BRDT: variants seen among roughly 807,000 people sequenced by gnomAD.
BRDT encodes bromodomain testis-specific protein.
In BRDT, 77 loss-of-function variants were observed where a neutral mutation model predicts 113.9. That is an observed-to-expected ratio of 0.68 (90% CI 0.56 to 0.82). The LOEUF (loss-of-function observed/expected upper bound fraction) is 0.82. BRDT is among the 40% of genes least tolerant of loss of function. The pLI is 0.00. For missense variants in BRDT, 1,027 were observed against 1,105.4 expected (o/e 0.93, Z 1.01); for synonymous variants, 358 against 366.5 (o/e 0.98, Z 0.26).
chr1:91,981,342 G>A lies in BRDT; in HGVS notation c.1825G>A (p.Val609Ile), dbSNP rs1250028069. The stretch of plus-strand genomic sequence containing the variant: ...GGAATTGGAAAAGCGGTTACTGGAT[G>A]TTAATAATCAGTTAAATTCTAGAAA... ...KQELEKRLLDVNNQLNSRKRQ... is the reference protein window; with the variant it reads ...KQELEKRLLDINNQLNSRKRQ... Residue 609 changes from valine to isoleucine, a missense_variant, in exon 11 of 19, where the codon GTT becomes ATT. Coordinates refer to ENST00000399546, the MANE Select transcript of BRDT (RefSeq NM_207189.4). 1.9e-6 allele frequency: 3 copies of A among 1,613,998 alleles called. No individual in the cohort carries two copies. Among genetic ancestry groups the A allele is most frequent in the Non-Finnish European group, 2.5e-6 (3 of 1,179,954 alleles).
At chr1:91,956,903 C>T (rs912056815) in intron 1 of BRDT, among the ~76,000 whole-genome samples, 2 of 152,282 alleles carry the variant, frequency 1.3e-5, no homozygotes, top group South Asian at 2.1e-4. Flanking sequence ...TGAGCCACTG[C>T]ACCCCTGCTT....
Position 92,010,306 on chromosome 1 carries a change from CTGT to C in BRDT, c.2776-3897_2776-3895del, listed in dbSNP as rs1478007402. Among the ~76,000 whole-genome samples, 9 of 131,330 alleles carry C rather than the reference CTGT, an allele frequency of 6.9e-5. No homozygotes were observed. In the Admixed American group the frequency reaches 7.1e-4, roughly 10 times the overall value. 86.2% of individuals were successfully genotyped at this position (131,330 alleles called of 152,430 possible). On this transcript the variant is annotated intron_variant, in intron 18 of 18. Coordinates refer to ENST00000399546, the MANE Select transcript of BRDT (RefSeq NM_207189.4). Reference sequence around the variant, plus strand: ...TTTTTTTTTGAGACTGAATCTCACTCTGTTGCTCAGGCTGCAGTGCAGTGGCGT... The same window carrying C: ...TTTTTTTTTGAGACTGAATCTCACTCTGCTCAGGCTGCAGTGCAGTGGCGT...
intron 4 of BRDT, among the ~76,000 whole-genome samples, chr1:91,970,464 A>C (rs112393622): frequency 6.6e-6 from 1 of 151,882 alleles, no homozygotes; most frequent in Non-Finnish European, 1.5e-5. Context: ...GTGGGGTCTC[A>C]TTTTGTTGCC....
intron 1 of BRDT, among the ~76,000 whole-genome samples, chr1:91,959,655 A>AT (rs961426922): frequency 7.9e-5 from 12 of 151,292 alleles, no homozygotes; most frequent in African/African-American, 2.9e-4. Flanking sequence ...TGATTTTTGT[A>AT]TTTTTTGCAG....
At chr1:92,002,466 C>G (rs545984824) in intron 16 of BRDT, among the ~76,000 whole-genome samples, 1 of 152,160 alleles carries the variant, frequency 6.6e-6, no homozygotes, top group Non-Finnish European at 1.5e-5. Flanking sequence ...CAGATTCAAG[C>G]GATTCTCATG....
intron 1 of BRDT, among the ~76,000 whole-genome samples, chr1:91,952,994 C>CATATGTAT (rs1334672134): frequency 6.6e-6 from 1 of 152,020 alleles, no homozygotes; most frequent in African/African-American, 2.4e-5. Context: ...GGTACATGTG[C>CATATGTAT]ACAACGTGCA....
At chr1:91,988,696 C>T (rs896859133) in intron 12 of BRDT, among the ~76,000 whole-genome samples, 10 of 151,400 alleles carry the variant, frequency 6.6e-5, no homozygotes, top group African/African-American at 1.9e-4. Flanking sequence ...CTACCACGCC[C>T]GGCCTTGTTA....
intron 13 of BRDT, among the ~76,000 whole-genome samples, 153 bp downstream of exon 13, chr1:91,991,398 C>T (rs1030422313): frequency 2.6e-5 from 4 of 152,090 alleles, no homozygotes; most frequent in African/African-American, 4.8e-5. Context: ...ATGATTTCTT[C>T]CTGAAGAAAA....
intron 1 of BRDT, among the ~76,000 whole-genome samples, chr1:91,959,966 T>C (rs1172682827): frequency 1.3e-5 from 2 of 152,188 alleles, no homozygotes; most frequent in African/African-American, 2.4e-5. Context: ...TCTCCAGAGA[T>C]TGGGACCTGA....
intron 15 of BRDT, among the ~76,000 whole-genome samples, chr1:91,996,734 T>C (rs72718422): frequency 0.082 from 12,436 of 152,274 alleles, 714 homozygotes; most frequent in Admixed American, 0.17. Flanking sequence ...TGTGGCAGAA[T>C]TGATATACTT....
rs1363849586 is a variant in BRDT, at chr1:92,002,035, A to C, written c.2288-14A>C. The C allele has an allele frequency of 6.4e-7, 1 of 1,568,822 alleles. No homozygotes were observed. The highest frequency in any genetic ancestry group is 2.2e-5 in the East Asian group (1 of 44,600). On this transcript the variant is annotated splice_polypyrimidine_tract_variant and intron_variant, in intron 15 of 18. Transcript: ENST00000399546. The stretch of plus-strand genomic sequence containing the variant: ...ATATTTTAATTATACTATTCTAAAA[A>C]TGTGTGCATCCAGGTGATTCTGAAC...
intron 6 of BRDT, 57 bp downstream of exon 6, chr1:91,977,450 C>T (rs563997950): frequency 7.6e-7 from 1 of 1,308,936 alleles, no homozygotes; most frequent in South Asian, 1.6e-5. Context: ...AGTAATTCAT[C>T]ATTGCAAAGA....
At chr1:91,996,593 T>C (rs1686362566) in intron 15 of BRDT, among the ~76,000 whole-genome samples, 4 of 152,118 alleles carry the variant, frequency 2.6e-5, no homozygotes. Context: ...ATGTAGAGGA[T>C]GGATTAAGAT....
intron 15 of BRDT, among the ~76,000 whole-genome samples, chr1:91,996,205 G>A (rs976845539): frequency 6.6e-6 from 1 of 151,892 alleles, no homozygotes; most frequent in Non-Finnish European, 1.5e-5. Context: ...GTACAACAAG[G>A]AGCTTTGTAT....
rs562884423 is a variant in BRDT, at chr1:91,995,170, A to G, written c.2287+916A>G. 2.0e-5 allele frequency among the ~76,000 whole-genome samples: 3 copies of G among 152,212 alleles called. No homozygotes were observed. The East Asian group carries it at 5.8e-4, about 29-fold the overall frequency. On this transcript the variant is annotated intron_variant, in intron 15 of 18. Coordinates refer to ENST00000399546, the MANE Select transcript of BRDT (RefSeq NM_207189.4). ...TACGAGTTTAGCCTAGAGCATGACT[A>G]AACCTTGAGACACTAATGTATTTAG...
intron 1 of BRDT, among the ~76,000 whole-genome samples, chr1:91,961,306 ATC>A (rs977475103): frequency 1.3e-5 from 2 of 152,060 alleles, no homozygotes; most frequent in Non-Finnish European, 2.9e-5. Flanking sequence ...GTGAGACTCC[ATC>A]TCAAAAAATA....
intron 16 of BRDT, among the ~76,000 whole-genome samples, chr1:92,003,791 T>G (rs1034233590): frequency 2.0e-5 from 3 of 152,162 alleles, no homozygotes; most frequent in Non-Finnish European, 4.4e-5. Context: ...GAAATAATGC[T>G]TTGGGTATAT....
chr1:91,953,549 G>T (rs901322894), intron 1 of BRDT, among the ~76,000 whole-genome samples: 1 of 151,832 alleles, frequency 6.6e-6, no homozygotes, highest in African/African-American at 2.4e-5. Flanking sequence ...GTATGATGGC[G>T]GGTGCCTGTA....
At chr1:91,951,532 C>T (rs1331807266) in intron 1 of BRDT, among the ~76,000 whole-genome samples, 2 of 151,848 alleles carry the variant, frequency 1.3e-5, no homozygotes, top group African/African-American at 2.4e-5. Flanking sequence ...CGCGGTGGCT[C>T]ACGCCTGTAA....
Sources: allele counts gnomAD v4.1 joint callset (sites outside exome capture counted in the v4.1 genomes callset), GRCh38; gene constraint gnomAD v4.1.1; transcripts MANE v1.5; gene names NCBI Gene and HGNC (gene_info 2026-07-23, HGNC 2026-07-21).